The following TRPV3 variants were observed in gnomAD, a reference collection of about 807,000 sequenced individuals.
The protein encoded by TRPV3 is transient receptor potential cation channel subfamily V member 3.
Under a neutral mutation model 87.1 loss-of-function variants are expected in TRPV3, and 88 were observed. The ratio of observed to expected loss-of-function variants is 1.01; its 90% CI spans 0.85 to 1.21. The LOEUF (loss-of-function observed/expected upper bound fraction) is 1.21, where lower values mean the gene tolerates loss of function less well. Among genes scored for constraint, TRPV3 ranks in the 50% most tolerant of loss-of-function variants. The pLI is 0.00. For missense variants in TRPV3, 1,054 were observed against 1,030.1 expected (o/e 1.02, Z -0.32); for synonymous variants, 438 against 423.3 (o/e 1.03, Z -0.43).
chr17:3,546,653 A>G (rs2150804276), intron 2 of TRPV3: 1 of 456,114 alleles, frequency 2.2e-6, no homozygotes, highest in Non-Finnish European at 4.4e-6. Flanking sequence ...GCCCAAGGTC[A>G]CGCAGCAGAT....
chr17:3,551,538 G>A (rs1045420101), intron 2 of TRPV3, among the ~76,000 whole-genome samples: 2 of 152,050 alleles, frequency 1.3e-5, no homozygotes, highest in African/African-American at 2.4e-5. Context: ...CCTTAAAGTC[G>A]AAGAACTGTC....
rs745761873 is a variant in TRPV3 at position 3,513,785 on chromosome 17, C to G, written c.*132G>C. On this transcript the variant is annotated 3_prime_UTR_variant, in exon 18 of 18. Coordinates refer to ENST00000576742, the MANE Select transcript of TRPV3 (RefSeq NM_145068.4). ...GTTCAGACACCCACTGAGCACTGAGCACGAGGGTGCACTCTGCTTCTAGGC... is the reference window on the plus strand; with the variant it reads ...GTTCAGACACCCACTGAGCACTGAGGACGAGGGTGCACTCTGCTTCTAGGC... 90 of 715,760 alleles carry G rather than the reference C, an allele frequency of 1.3e-4. No individual in the cohort carries two copies. Among genetic ancestry groups the G allele is most frequent in the Non-Finnish European group, 2.1e-4 (88 of 417,300 alleles). 44.3% of individuals were successfully genotyped at this position (715,760 alleles called of 1,614,324 possible).
At position 3,513,930 on chromosome 17, in the gene TRPV3, TC is replaced by T. The variant is rs1214359046; in HGVS notation, c.2359del (p.Glu787LysfsTer42). On this transcript the variant is annotated frameshift_variant, in exon 18 of 18. Transcript: ENST00000576742. LOFTEE classifies it high-confidence loss of function. ...TGGGTTCCGCTTCTACACCGAGGTTTCCGGGAATTCCTCGACTTCTTCAAAT... is the reference window on the plus strand; with the variant it reads ...TGGGTTCCGCTTCTACACCGAGGTTTCGGGAATTCCTCGACTTCTTCAAAT... ...NAFEEVEEFP[E>X]TSV is the part of the protein sequence containing the mutation. 1 of 1,614,008 alleles carries T rather than the reference TC, an allele frequency of 6.2e-7. No homozygotes were observed. The highest frequency in any genetic ancestry group is 8.5e-7 in the Non-Finnish European group (1 of 1,179,988).
intron 12 of TRPV3, 71 bp from the exon 13 acceptor site, chr17:3,524,434 C>T (rs1368284666): frequency 7.6e-6 from 12 of 1,578,674 alleles, no homozygotes; most frequent in Non-Finnish European, 6.9e-6. Flanking sequence ...TGCAAATCCC[C>T]CAAACCTCCC....
intron 8 of TRPV3, among the ~76,000 whole-genome samples, chr17:3,531,808 C>A (rs2074351218): frequency 6.6e-6 from 1 of 152,218 alleles, no homozygotes; most frequent in Non-Finnish European, 1.5e-5. Context: ...CTCCTCCTCC[C>A]CCACGGGAGA....
chr17:3,522,771 T>C (rs61439749), intron 13 of TRPV3, among the ~76,000 whole-genome samples: 11,781 of 149,458 alleles, frequency 0.079, 1,559 homozygotes, highest in African/African-American at 0.27. Flanking sequence ...GAGCCGAGAT[T>C]GCACTATTGC....
At chr17:3,536,315 G>A (rs405811) in intron 6 of TRPV3, among the ~76,000 whole-genome samples, 137,604 of 152,266 alleles carry the variant, frequency 0.9, 63,437 homozygotes, top group South Asian at 0.99. Context: ...GACCAGTGAA[G>A]GAAATGATGA....
intron 6 of TRPV3, among the ~76,000 whole-genome samples, chr17:3,538,738 C>A (rs550535582): frequency 6.6e-6 from 1 of 152,220 alleles, no homozygotes; most frequent in Non-Finnish European, 1.5e-5. Flanking sequence ...GCGTGCCCCA[C>A]CACGCCCTAC....
rs749216707 is a variant in TRPV3 at position 3,522,595 on chromosome 17, G to A, written c.1744-1556C>T. Among the ~76,000 whole-genome samples, 5 of 149,236 alleles carry A rather than the reference G, an allele frequency of 3.4e-5. 1 individual carries two copies. Among genetic ancestry groups the A allele is most frequent in the East Asian group, 3.9e-4 (2 of 5,082 alleles). On this transcript the variant is annotated intron_variant, in intron 13 of 17. Transcript: ENST00000576742. ...AGCACTTTGGGAGGCCGAGGCGGAC[G>A]GATCACCTGAGGTCAAGAGTTGGAG...
chr17:3,527,596 T>A (rs2074310945), intron 11 of TRPV3: 7 of 201,232 alleles, frequency 3.5e-5, no homozygotes, highest in Admixed American at 5.6e-5. Context: ...GATGGAAGGA[T>A]GGATGGATGG....
In TRPV3 at chr17:3,530,505, C is replaced by A. The variant is rs940079308; in HGVS notation, c.1066-302G>T. Among the ~76,000 whole-genome samples, 7 of 152,162 alleles carry A rather than the reference C, an allele frequency of 4.6e-5. No homozygotes were observed. Among genetic ancestry groups the A allele is most frequent in the Non-Finnish European group, 7.3e-5 (5 of 68,028 alleles). ...GAAATGCCTCACGCCAGCTGGGGAC[C>A]CGGTTCGGTGAAAAATCCAGGCACT... On this transcript the variant is annotated intron_variant, in intron 8 of 17. Coordinates refer to ENST00000576742, the MANE Select transcript of TRPV3 (RefSeq NM_145068.4). This position sits in a 1 kb window ranked among gnomAD's most constrained non-coding sequence, Gnocchi z 4.0.
At position 3,528,654 on chromosome 17, in the gene TRPV3, G is replaced by A. The variant is rs1432327940; in HGVS notation, c.1401+183C>T. On this transcript the variant is annotated intron_variant, in intron 10 of 17. Transcript: ENST00000576742. The surrounding 1 kb of genome is among the most constrained non-coding windows in gnomAD (Gnocchi z 4.2). ...TCTGCCCTTGGGACTCGGCACCTGG[G>A]GCTTAGCCCAGGCTAAGCACTGAAG... is the stretch of plus-strand genomic sequence containing the variant. Among the ~76,000 whole-genome samples the A allele has an allele frequency of 6.6e-6, 1 of 152,138 alleles. No homozygotes were observed. Among genetic ancestry groups the A allele is most frequent in the Admixed American group, 6.5e-5 (1 of 15,278 alleles).
In TRPV3 at chr17:3,524,247, T is replaced by C. The variant is rs377453274; in HGVS notation, c.1694A>G (p.Tyr565Cys). ...MALGWANMLY[Y>C]TRGFQSMGMY... ...GCCCATGGACTGGAAACCCCGCGTA[T>C]AGTAGAGCATGTTCGCCCAGCCCAG... The change falls in exon 13 of 18, where the codon TAT becomes TGT. Residue 565 changes from tyrosine to cysteine, a missense_variant. Tyr to Cys is a radical substitution (Grantham distance 194). Coordinates refer to ENST00000576742, the MANE Select transcript of TRPV3 (RefSeq NM_145068.4). 17 of 1,614,104 alleles carry C rather than the reference T, an allele frequency of 1.1e-5. No individual in the cohort carries two copies. The highest frequency in any genetic ancestry group is 4.0e-5 in the African/African-American group (3 of 74,942).
At chr17:3,526,163 C>T (rs192483522) in intron 12 of TRPV3, among the ~76,000 whole-genome samples, 2 of 152,184 alleles carry the variant, frequency 1.3e-5, no homozygotes, top group South Asian at 2.1e-4. Flanking sequence ...GAATGTCTCC[C>T]TCCACACTAA....
rs1280669998 is a variant in TRPV3, at chr17:3,544,632, G to T, written c.258C>A (p.Pro86=). 6.2e-7 allele frequency: 1 copy of T among 1,609,610 alleles called. No individual in the cohort carries two copies. The part of the protein sequence containing the change: ...ISGNCDDMDS[P]QSPQDDVTET... ...CTGTCACATCATCCTGAGGAGACTG[G>T]GGGGAGTCCATGTCATCACAGTTAC... Residue 86 remains proline, a synonymous_variant, in exon 4 of 18, where the codon CCC becomes CCA. Coordinates refer to ENST00000576742, the MANE Select transcript of TRPV3 (RefSeq NM_145068.4).
rs755838458 is a variant in TRPV3 at position 3,518,762 on chromosome 17, G to A, written c.1899C>T (p.Phe633=). ...GSFSDAVLEL[F]KLTIGLGDLN... ...GGTCACCCAGGCCTATGGTGAGCTT[G>A]AAGAGTTCCAGCACTGCGTCGCTGA... is the stretch of plus-strand genomic sequence containing the variant. Residue 633 remains phenylalanine, a synonymous_variant, in exon 15 of 18, where the codon TTC becomes TTT. Coordinates refer to ENST00000576742, the MANE Select transcript of TRPV3 (RefSeq NM_145068.4). The surrounding 1 kb of genome is among the most constrained non-coding windows in gnomAD (Gnocchi z 4.3). The A allele has an allele frequency of 6.2e-7, 1 of 1,614,084 alleles. No individual in the cohort carries two copies. Among genetic ancestry groups the A allele is most frequent in the South Asian group, 1.1e-5 (1 of 91,050 alleles).
intron 6 of TRPV3, among the ~76,000 whole-genome samples, chr17:3,537,591 T>C (rs1456082098): frequency 6.6e-6 from 1 of 152,056 alleles, no homozygotes; most frequent in Non-Finnish European, 1.5e-5. Context: ...GGGAAAATAT[T>C]TGAGATATAT....
chr17:3,516,355 G>T, intron 16 of TRPV3, 102 bp downstream of exon 16: 1 of 914,474 alleles, frequency 1.1e-6, no homozygotes, highest in Non-Finnish European at 1.8e-6. Flanking sequence ...TGTGGTTATG[G>T]TTAGCAAGTG....
intron 6 of TRPV3, among the ~76,000 whole-genome samples, chr17:3,538,134 CT>C (rs2074425000): frequency 6.7e-6 from 1 of 149,798 alleles, no homozygotes; most frequent in Non-Finnish European, 1.5e-5. Flanking sequence ...GGAGGTGGAG[CT>C]TGCAGTGAGC....
Sources: allele counts gnomAD v4.1 joint callset (sites outside exome capture counted in the v4.1 genomes callset), GRCh38; gene constraint gnomAD v4.1.1; non-coding constraint Gnocchi (gnomAD v3.1); transcripts MANE v1.5; gene names NCBI Gene and HGNC (gene_info 2026-07-23, HGNC 2026-07-21).